LNX2: variants seen among roughly 807,000 people sequenced by gnomAD.
LNX2 encodes ligand of numb-protein X 2.
In LNX2, 35 loss-of-function variants were observed where a neutral mutation model predicts 66.2. The ratio of observed to expected loss-of-function variants is 0.53; its 90% CI spans 0.40 to 0.70. The LOEUF (loss-of-function observed/expected upper bound fraction) is 0.70. LNX2 is among the 30% of genes least tolerant of loss of function. The pLI, the probability that LNX2 is intolerant of heterozygous loss-of-function variation, is 0.00. For missense variants in LNX2, 791 were observed against 850.8 expected, an observed-to-expected ratio of 0.93 and a Z score of 0.87; for synonymous variants, 337 against 315.6, an observed-to-expected ratio of 1.07 and a Z score of -0.72.
At chr13:27,564,474 TATATTACTTTTATTAATG>T (rs1955180045) in intron 4 of LNX2, among the ~76,000 whole-genome samples, 1 of 152,162 alleles carries the variant, frequency 6.6e-6, no homozygotes, top group Admixed American at 6.5e-5. Flanking sequence ...TGTTCTAAGT[TATATTACTTTTATTAATG>T]ATATTGAGGT....
chr13:27,601,504 A>T (rs1455338307), intron 1 of LNX2, among the ~76,000 whole-genome samples: 2 of 152,160 alleles, frequency 1.3e-5, no homozygotes, highest in Non-Finnish European at 2.9e-5. Flanking sequence ...CTAAATTCTA[A>T]CTCCTCAAAT....
chr13:27,583,211 T>TGCGCGC lies in LNX2; in HGVS notation c.-100-1409_-100-1408insGCGCGC, dbSNP rs1555268472. 1.8e-3 allele frequency among the ~76,000 whole-genome samples: 45 copies of TGCGCGC among 24,366 alleles called. 6 individuals are homozygous for TGCGCGC. Among genetic ancestry groups the TGCGCGC allele is most frequent in the African/African-American group, 3.9e-3 (17 of 4,360 alleles). 16.0% of individuals were successfully genotyped at this position (24,366 alleles called of 152,430 possible). A position where few individuals can be genotyped will look rare whatever the true frequency, so the allele number is the denominator to read the frequency against. On this transcript the variant is annotated intron_variant, in intron 1 of 9. Transcript: ENST00000316334. Reference sequence around the variant, plus strand: ...GTGTGTGTGTGTGTGTGTGTGTGTGTGTGTGTGTGTGTGTGTGTGTGTGTG... The same window carrying TGCGCGC: ...GTGTGTGTGTGTGTGTGTGTGTGTGTGCGCGCGTGTGTGTGTGTGTGTGTGTGTGTG...
At position 27,546,501 on chromosome 13, in the gene LNX2, T is replaced by C. The variant is rs1179168947; in HGVS notation, c.*1834A>G. The C allele has an allele frequency of 6.6e-6, 1 of 152,222 alleles. No individual in the cohort carries two copies. The highest frequency in any genetic ancestry group is 1.5e-5 in the Non-Finnish European group (1 of 68,038). 9.4% of individuals were successfully genotyped at this position (152,222 alleles called of 1,614,324 possible). ...ATCTTGTTATATGTTGATCATACAG[T>C]GTAACTAAGGGGTTGAACAAGTCAG... On this transcript the variant is annotated 3_prime_UTR_variant, in exon 10 of 10. Transcript: ENST00000316334.
At chr13:27,612,331 C>T (rs1461583209) in intron 1 of LNX2, among the ~76,000 whole-genome samples, 2 of 152,220 alleles carry the variant, frequency 1.3e-5, no homozygotes, top group African/African-American at 4.8e-5. Flanking sequence ...CATCCACCTC[C>T]TCCCCCTCCC....
chr13:27,567,619 C>A, intron 4 of LNX2, 21 bp downstream of exon 4: 4 of 1,606,956 alleles, frequency 2.5e-6, no homozygotes, highest in Non-Finnish European at 3.4e-6. Context: ...CACAAGTTAA[C>A]AGAATAATTA....
chr13:27,550,130 A>G (rs1028832730), intron 9 of LNX2, among the ~76,000 whole-genome samples: 4 of 152,250 alleles, frequency 2.6e-5, no homozygotes, highest in Non-Finnish European at 5.9e-5. Context: ...AGACCCATAC[A>G]GTCTCTGTCA....
At chr13:27,559,461 ATCTTG>A (rs1280538319) in intron 6 of LNX2, among the ~76,000 whole-genome samples, 3 of 152,188 alleles carry the variant, frequency 2.0e-5, no homozygotes, top group African/African-American at 7.2e-5. Flanking sequence ...AGATTTGTCA[ATCTTG>A]TCTTATGTTT....
intron 1 of LNX2, among the ~76,000 whole-genome samples, chr13:27,613,752 A>G (rs1472436136): frequency 6.6e-6 from 1 of 152,214 alleles, no homozygotes; most frequent in African/African-American, 2.4e-5. Context: ...TGGGTGACAG[A>G]GCGAGACGCA....
chr13:27,556,273 G>A lies in LNX2; in HGVS notation c.1509C>T (p.Pro503=), dbSNP rs2138325078. 1 of 1,613,830 alleles carries A rather than the reference G, an allele frequency of 6.2e-7. No individual in the cohort carries two copies. The highest frequency in any genetic ancestry group is 8.5e-7 in the Non-Finnish European group (1 of 1,179,920). ...TGCCATCTCGTGCAAGGCAGCCATGGGGTGGCACACTGGTCACAAAGATGG... is the reference window on the plus strand; with the variant it reads ...TGCCATCTCGTGCAAGGCAGCCATGAGGTGGCACACTGGTCACAAAGATGG... The part of the protein sequence containing the change: ...ELPIFVTSVP[P]HGCLARDGRI... The change falls in exon 7 of 10, where the codon CCC becomes CCT. Residue 503 remains proline (P), a synonymous_variant. Coordinates refer to ENST00000316334, the MANE Select transcript of LNX2 (RefSeq NM_153371.4).
In LNX2 at chr13:27,583,255, T is replaced by TGCGCGC. The variant is rs1227667311; in HGVS notation, c.-100-1458_-100-1453dup. On this transcript the variant is annotated intron_variant, in intron 1 of 9. Coordinates refer to ENST00000316334, the MANE Select transcript of LNX2 (RefSeq NM_153371.4). The stretch of plus-strand genomic sequence containing the variant: ...GTGTGTGTGTGTGTGTGTGTGTGTG[T>TGCGCGC]GCGCGCGTCCTCTCCAACATACTTA... Among the ~76,000 whole-genome samples, 68 of 58,528 alleles carry TGCGCGC rather than the reference T, an allele frequency of 1.2e-3. 15 individuals are homozygous for TGCGCGC. The highest frequency in any genetic ancestry group is 0.01 in the East Asian group (14 of 1,388). The allele number at this position is 58,528 out of a possible 152,430, so 38.4% of individuals were successfully genotyped here.
At chr13:27,593,732 TTTTG>T (rs1373827492) in intron 1 of LNX2, among the ~76,000 whole-genome samples, 1 of 143,154 alleles carries the variant, frequency 7.0e-6, no homozygotes. Flanking sequence ...CACGCCTGGT[TTTTG>T]TGTGTGTGTG....
At chr13:27,574,405 T>G (rs1449097650) in intron 2 of LNX2, among the ~76,000 whole-genome samples, 7 of 151,082 alleles carry the variant, frequency 4.6e-5, no homozygotes, top group Admixed American at 4.6e-4. Flanking sequence ...AGAGCAAAAC[T>G]CTGTCTCCAA....
At chr13:27,567,408 C>A (rs1955219485) in intron 4 of LNX2, among the ~76,000 whole-genome samples, 1 of 152,018 alleles carries the variant, frequency 6.6e-6, no homozygotes, top group African/African-American at 2.4e-5. Context: ...AGCCTGAGAT[C>A]ATGTGCCAAG....
chr13:27,550,020 T>C (rs112239646), intron 9 of LNX2, among the ~76,000 whole-genome samples: 345 of 152,274 alleles, frequency 2.3e-3, no homozygotes, highest in African/African-American at 7.9e-3. Context: ...TAATGAAACA[T>C]AGCTATAAGT....
chr13:27,569,227 T>C lies in LNX2; in HGVS notation c.457A>G (p.Ser153Gly), dbSNP rs748027861. 5 of 1,613,558 alleles carry C rather than the reference T, an allele frequency of 3.1e-6. No individual in the cohort carries two copies. The highest frequency in any genetic ancestry group is 3.3e-5 in the Admixed American group (2 of 59,952). Residue 153 changes from serine (S) to glycine (G), a missense_variant, in exon 3 of 10, where the codon AGT becomes GGT. By Grantham distance (56) the Ser-to-Gly change is moderately conservative. Coordinates refer to ENST00000316334, the MANE Select transcript of LNX2 (RefSeq NM_153371.4). The stretch of plus-strand genomic sequence containing the variant: ...TTCTCAATCTCTGCTTGAGTTCTAC[T>C]AGTTTTCCTTCTCTCCAGGGCAACT... ...RRVALERRKT[S>G]RTQAEIENEN...
intron 1 of LNX2, among the ~76,000 whole-genome samples, chr13:27,588,011 A>T (rs1955508765): frequency 7.8e-6 from 1 of 127,538 alleles, no homozygotes; most frequent in African/African-American, 3.1e-5. Context: ...AGAGTGCGAG[A>T]CTCTTGTCAC....
chr13:27,606,299 T>C (rs922371983), intron 1 of LNX2, among the ~76,000 whole-genome samples: 7 of 149,796 alleles, frequency 4.7e-5, no homozygotes, highest in African/African-American at 1.5e-4. Flanking sequence ...TAAGTTATCA[T>C]GAAGATGCCC....
At chr13:27,587,745 G>T (rs1955503425) in intron 1 of LNX2, among the ~76,000 whole-genome samples, 1 of 151,692 alleles carries the variant, frequency 6.6e-6, no homozygotes. Flanking sequence ...GCTGTCGCCA[G>T]GCGCGGTGGC....
At chr13:27,608,420 T>C (rs181747853) in intron 1 of LNX2, among the ~76,000 whole-genome samples, 13 of 152,334 alleles carry the variant, frequency 8.5e-5, no homozygotes, top group African/African-American at 3.1e-4. Context: ...AAATATTTGT[T>C]GGAAAATATT....
Sources: gnomAD v4.1 joint callset for allele counts (sites outside exome capture counted in the v4.1 genomes callset) on GRCh38, gnomAD v4.1.1 for gene constraint, MANE v1.5 for transcripts, NCBI Gene and HGNC (gene_info 2026-07-23, HGNC 2026-07-21) for gene names.